Variants in FHL5 observed in about 807,000 individuals in gnomAD.
FHL5 encodes the protein four and a half LIM domains 5.
Under a neutral mutation model 32.0 loss-of-function variants are expected in FHL5, and 33 were observed. The observed-to-expected ratio is 1.03, with a 90% CI of 0.78 to 1.38. The LOEUF (loss-of-function observed/expected upper bound fraction) is 1.38. FHL5 is among the 40% of genes most tolerant of loss of function. FHL5 has a pLI of 0.00. For synonymous variants in FHL5, 114 were observed against 113.6 expected (o/e 1.00, Z -0.02); for missense variants, 336 against 343.9 (o/e 0.98, Z 0.18).
chr6:96,599,143 A>G (rs995291871), intron 1 of FHL5, among the ~76,000 whole-genome samples: 1 of 151,998 alleles, frequency 6.6e-6, no homozygotes, highest in African/African-American at 2.4e-5. Context: ...AATAGCACCT[A>G]AGAAATAACA....
At position 96,594,230 on chromosome 6, in the gene FHL5, TATATATATATATATA is replaced by T. The variant is rs1562059579; in HGVS notation, c.-12-9371_-12-9357del. ...AGGATCCAATAAATATTAGAATTTATATATATATATATATATATATATATATATATATATATATAT... is the reference window on the plus strand; with the variant it reads ...AGGATCCAATAAATATTAGAATTTATTATATATATATATATATATATATAT... On this transcript the variant is annotated intron_variant, in intron 1 of 5. Transcript: ENST00000450218. 3.2e-4 allele frequency among the ~76,000 whole-genome samples: 3 copies of T among 9,362 alleles called. No individual in the cohort carries two copies. The East Asian group carries it at 7.6e-3, about 24-fold the overall frequency. The allele number at this position is 9,362 out of a possible 152,430, so 6.1% of individuals were successfully genotyped here.
upstream of FHL5, among the ~76,000 whole-genome samples, chr6:96,562,974 C>T (rs1463870918): frequency 6.6e-6 from 1 of 152,092 alleles, no homozygotes; most frequent in Non-Finnish European, 1.5e-5. Flanking sequence ...AGTGTGTATG[C>T]GTCTGTGTGA....
At chr6:96,566,448 T>A (rs1770359392) in intron 1 of FHL5, among the ~76,000 whole-genome samples, 2 of 152,078 alleles carry the variant, frequency 1.3e-5, no homozygotes, top group African/African-American at 4.8e-5. Context: ...TTGTGAGTAG[T>A]GCTGCAATAA....
intron 1 of FHL5, among the ~76,000 whole-genome samples, chr6:96,569,449 T>C (rs557789160): frequency 2.0e-4 from 31 of 152,246 alleles, no homozygotes; most frequent in African/African-American, 6.7e-4. Context: ...TAGGTTCATT[T>C]GGTCTAAAGT....
intron 1 of FHL5, among the ~76,000 whole-genome samples, chr6:96,576,423 G>A (rs1313663229): frequency 6.6e-6 from 1 of 152,222 alleles, no homozygotes; most frequent in Admixed American, 6.5e-5. Context: ...AGAACCACAC[G>A]AACATGCAGC....
intron 1 of FHL5, among the ~76,000 whole-genome samples, chr6:96,578,405 C>T (rs1194864427): frequency 6.6e-6 from 1 of 152,016 alleles, no homozygotes; most frequent in Admixed American, 6.6e-5. Flanking sequence ...ATAACCAAAA[C>T]GAGAAATGTA....
chr6:96,600,824 G>A (rs894616005), intron 1 of FHL5, among the ~76,000 whole-genome samples: 3 of 152,086 alleles, frequency 2.0e-5, no homozygotes, highest in Non-Finnish European at 2.9e-5. Context: ...ACTAAGATAC[G>A]AGCTATAAGA....
intron 1 of FHL5, among the ~76,000 whole-genome samples, chr6:96,573,273 A>G (rs1336877231): frequency 6.6e-6 from 1 of 152,164 alleles, no homozygotes; most frequent in Non-Finnish European, 1.5e-5. Flanking sequence ...TCTATCATCA[A>G]TTTTGACCAA....
chr6:96,595,407 C>T (rs1452994586), intron 1 of FHL5, among the ~76,000 whole-genome samples: 3 of 151,582 alleles, frequency 2.0e-5, no homozygotes, highest in Non-Finnish European at 4.4e-5. Flanking sequence ...TGGAATATGA[C>T]ATCTTTACTA....
chr6:96,604,836 T>G lies in FHL5; in HGVS notation c.246T>G (p.Ala82=). ...ACTCTTTGGTGGAAAAGCCTTTTGCTGCCAAGGATGAGCGCCTGCTGTGCA... is the reference window on the plus strand; with the variant it reads ...ACTCTTTGGTGGAAAAGCCTTTTGCGGCCAAGGATGAGCGCCTGCTGTGCA... ...CNHSLVEKPF[A]AKDERLLCTE... The change falls in exon 3 of 6, where the codon GCT becomes GCG. Residue 82 remains alanine, a synonymous_variant. Coordinates refer to ENST00000450218, the MANE Select transcript of FHL5 (RefSeq NM_001322466.2). 1 of 1,614,100 alleles carries G rather than the reference T, an allele frequency of 6.2e-7. No individual in the cohort carries two copies. Among genetic ancestry groups the G allele is most frequent in the South Asian group, 1.1e-5 (1 of 91,054 alleles).
intron 1 of FHL5, among the ~76,000 whole-genome samples, chr6:96,597,570 T>C (rs938565335): frequency 6.6e-6 from 1 of 152,220 alleles, no homozygotes; most frequent in Non-Finnish European, 1.5e-5. Context: ...ATTTTTTCTA[T>C]AGAAAAAAGT....
chr6:96,587,856 G>A (rs192951633), intron 1 of FHL5, among the ~76,000 whole-genome samples: 1 of 152,252 alleles, frequency 6.6e-6, no homozygotes, highest in East Asian at 1.9e-4. Context: ...CAACTTGCTT[G>A]TTTACTCAAT....
intron 5 of FHL5, among the ~76,000 whole-genome samples, chr6:96,613,236 A>C (rs1334552967): frequency 6.6e-6 from 1 of 152,230 alleles, no homozygotes; most frequent in Non-Finnish European, 1.5e-5. Flanking sequence ...TTATTTGTCA[A>C]TTAAGATTAA....
intron 1 of FHL5, among the ~76,000 whole-genome samples, chr6:96,567,970 G>A (rs1770396502): frequency 1.3e-5 from 2 of 151,134 alleles, no homozygotes. Context: ...CAATTTAGAT[G>A]CTCCTTATCT....
At chr6:96,569,352 G>C (rs535840264) in intron 1 of FHL5, among the ~76,000 whole-genome samples, 2 of 151,918 alleles carry the variant, frequency 1.3e-5, no homozygotes, top group Admixed American at 6.6e-5. Flanking sequence ...GTGGTCTAAC[G>C]TGGTCTATGC....
chr6:96,584,688 T>C (rs1770763974), intron 1 of FHL5, among the ~76,000 whole-genome samples: 1 of 152,096 alleles, frequency 6.6e-6, no homozygotes, highest in South Asian at 2.1e-4. Context: ...GTTCTGGAAT[T>C]CTCCAGGAAA....
chr6:96,585,793 G>A (rs1770784518), intron 1 of FHL5, among the ~76,000 whole-genome samples: 1 of 152,146 alleles, frequency 6.6e-6, no homozygotes, highest in Non-Finnish European at 1.5e-5. Flanking sequence ...TTGGAAACCA[G>A]AAGACCGTAA....
chr6:96,567,090 A>T (rs1166127100), intron 1 of FHL5, among the ~76,000 whole-genome samples: 2 of 151,770 alleles, frequency 1.3e-5, no homozygotes, highest in South Asian at 2.1e-4. Context: ...TATTTCCCCT[A>T]TGTTTGCTTC....
intron 1 of FHL5, among the ~76,000 whole-genome samples, chr6:96,566,215 T>C (rs1212781841): frequency 6.6e-6 from 1 of 152,044 alleles, no homozygotes; most frequent in African/African-American, 2.4e-5. Flanking sequence ...TGAGATTGAC[T>C]TTTTTAGCTT....
Sources: gnomAD v4.1 joint callset for allele counts (sites outside exome capture counted in the v4.1 genomes callset) on GRCh38, gnomAD v4.1.1 for gene constraint, MANE v1.5 for transcripts, NCBI Gene and HGNC (gene_info 2026-07-23, HGNC 2026-07-21) for gene names.